SLC35F1: variants seen among roughly 807,000 people sequenced by gnomAD.
SLC35F1 encodes solute carrier family 35 member F1.
A neutral mutation model predicts 48.7 loss-of-function variants in SLC35F1; 14 were observed. The observed-to-expected ratio is 0.29, with a 90% confidence interval of 0.19 to 0.45. The LOEUF is 0.45. SLC35F1 is among the 20% of genes least tolerant of loss of function. The pLI, the probability that SLC35F1 is intolerant of heterozygous loss-of-function variation, is 1.00. For synonymous variants in SLC35F1, 190 were observed against 202.2 expected, an observed-to-expected ratio of 0.94 and a Z score of 0.51; for missense variants, 404 against 500.0, an observed-to-expected ratio of 0.81 and a Z score of 1.83.
chr6:117,936,266 C>T (rs1487527545), intron 1 of SLC35F1, among the ~76,000 whole-genome samples: 1 of 152,170 alleles, frequency 6.6e-6, no homozygotes, highest in Non-Finnish European at 1.5e-5. Flanking sequence ...CAAGTCCCTC[C>T]AAAGTCTACT....
intron 1 of SLC35F1, among the ~76,000 whole-genome samples, chr6:118,013,242 G>T (rs1777274981): frequency 6.6e-6 from 1 of 152,186 alleles, no homozygotes; most frequent in Non-Finnish European, 1.5e-5. Context: ...CAGTGCCCAT[G>T]TGGGGACTTT....
intron 7 of SLC35F1, among the ~76,000 whole-genome samples, chr6:118,302,151 T>A (rs904646036): frequency 6.6e-6 from 1 of 152,222 alleles, no homozygotes; most frequent in Non-Finnish European, 1.5e-5. Flanking sequence ...CACACAATGC[T>A]GTGAAATATC....
intron 1 of SLC35F1, among the ~76,000 whole-genome samples, chr6:118,077,977 A>G (rs1039843974): frequency 3.3e-5 from 5 of 152,142 alleles, no homozygotes; most frequent in Admixed American, 6.5e-5. Flanking sequence ...TTTAAGTTCT[A>G]CCTTTTGGGA....
chr6:118,002,453 G>A (rs949856993), intron 1 of SLC35F1, among the ~76,000 whole-genome samples: 2 of 151,888 alleles, frequency 1.3e-5, no homozygotes, highest in African/African-American at 4.8e-5. Flanking sequence ...GATTGTTGTG[G>A]GGTAGGGGGA....
At chr6:118,285,826 T>A in intron 7 of SLC35F1, among the ~76,000 whole-genome samples, 1 of 152,178 alleles carries the variant, frequency 6.6e-6, no homozygotes, top group East Asian at 1.9e-4. Context: ...GTTTTTTTAC[T>A]AAAAGATTGG....
At chr6:118,063,272 TAAAC>T (rs1257351498) in intron 1 of SLC35F1, among the ~76,000 whole-genome samples, 1 of 152,180 alleles carries the variant, frequency 6.6e-6, no homozygotes, top group African/African-American at 2.4e-5. Context: ...AGAGTTTTCT[TAAAC>T]AAAGGCAAGA....
chr6:118,297,942 T>A (rs2114655945), intron 7 of SLC35F1, among the ~76,000 whole-genome samples: 1 of 151,954 alleles, frequency 6.6e-6, no homozygotes, highest in South Asian at 2.1e-4. Context: ...CTTGGTGCCA[T>A]CTTCATGGTA....
intron 3 of SLC35F1, among the ~76,000 whole-genome samples, chr6:118,241,124 T>C (rs1216825768): frequency 6.6e-6 from 1 of 152,212 alleles, no homozygotes; most frequent in Non-Finnish European, 1.5e-5. Flanking sequence ...AGGTCTTCAA[T>C]GCCAGAATGA....
intron 1 of SLC35F1, among the ~76,000 whole-genome samples, chr6:117,941,491 A>G (rs941116551): frequency 6.6e-6 from 1 of 152,234 alleles, no homozygotes; most frequent in Non-Finnish European, 1.5e-5. Flanking sequence ...AGCAAAACCA[A>G]TAGCAAATAC....
chr6:118,110,656 A>G (rs185591695), intron 1 of SLC35F1, among the ~76,000 whole-genome samples: 80 of 152,232 alleles, frequency 5.3e-4, no homozygotes, highest in Non-Finnish European at 1.0e-3. Flanking sequence ...ATATCCTCCA[A>G]TGCCTTTGTT....
At chr6:118,161,464 C>G (rs1774233651) in intron 2 of SLC35F1, among the ~76,000 whole-genome samples, 1 of 152,164 alleles carries the variant, frequency 6.6e-6, no homozygotes, top group Non-Finnish European at 1.5e-5. Context: ...AATGAGAAAG[C>G]ATTTGGCAAA....
intron 1 of SLC35F1, among the ~76,000 whole-genome samples, chr6:118,066,562 G>A (rs1202098769): frequency 2.6e-5 from 4 of 152,110 alleles, no homozygotes; most frequent in African/African-American, 9.7e-5. Flanking sequence ...ACTCTGAGTA[G>A]AGAATCCAGA....
intron 1 of SLC35F1, among the ~76,000 whole-genome samples, chr6:118,038,037 A>T (rs1393434673): frequency 2.0e-5 from 3 of 151,928 alleles, no homozygotes; most frequent in African/African-American, 7.3e-5. Context: ...AAAGTAAAAT[A>T]AAAAAAATAC....
chr6:118,132,586 T>C (rs1319372653), intron 1 of SLC35F1, among the ~76,000 whole-genome samples: 1 of 152,242 alleles, frequency 6.6e-6, no homozygotes, highest in Non-Finnish European at 1.5e-5. Flanking sequence ...ACATAGTAAA[T>C]GCTTAATAAA....
intron 2 of SLC35F1, among the ~76,000 whole-genome samples, chr6:118,196,537 G>A (rs1239490258): frequency 6.6e-6 from 1 of 151,958 alleles, no homozygotes; most frequent in African/African-American, 2.4e-5. Flanking sequence ...CCAACGTGGT[G>A]AAATCTCATC....
intron 1 of SLC35F1, among the ~76,000 whole-genome samples, chr6:117,963,790 A>AT (rs919800610): frequency 1.3e-5 from 2 of 151,706 alleles, no homozygotes; most frequent in South Asian, 2.1e-4. Flanking sequence ...CCACCACTTT[A>AT]TTTTTTTTAA....
intron 1 of SLC35F1, among the ~76,000 whole-genome samples, chr6:117,930,439 T>A (rs1200168828): frequency 6.6e-6 from 1 of 152,214 alleles, no homozygotes; most frequent in Non-Finnish European, 1.5e-5. Context: ...GTGGGAGCCC[T>A]GTTTTTAGGG....
intron 2 of SLC35F1, among the ~76,000 whole-genome samples, chr6:118,178,165 T>C (rs975621242): frequency 3.9e-5 from 6 of 152,084 alleles, no homozygotes; most frequent in Non-Finnish European, 1.5e-5. Context: ...GCACTAGATA[T>C]CCACACCTCC....
chr6:118,175,790 G>A (rs997840384), intron 2 of SLC35F1, among the ~76,000 whole-genome samples: 2 of 152,136 alleles, frequency 1.3e-5, no homozygotes, highest in Non-Finnish European at 1.5e-5. Context: ...AAGGTCAGAA[G>A]AGGAGGCTTA....
Sources: gnomAD v4.1 joint callset for allele counts (sites outside exome capture counted in the v4.1 genomes callset) on GRCh38, gnomAD v4.1.1 for gene constraint, MANE v1.5 for transcripts, NCBI Gene and HGNC (gene_info 2026-07-23, HGNC 2026-07-21) for gene names.